Variants in ATP13A1 observed in about 807,000 individuals in gnomAD.
ATP13A1 encodes endoplasmic reticulum transmembrane helix translocase.
A neutral mutation model predicts 134.8 loss-of-function variants in ATP13A1; 55 were observed. That is an observed-to-expected ratio of 0.41 (90% CI 0.33 to 0.51). The LOEUF (loss-of-function observed/expected upper bound fraction) is 0.51, where lower values mean the gene tolerates loss of function less well. ATP13A1 is among the 20% of genes least tolerant of loss of function. The pLI is 0.29. For synonymous variants in ATP13A1, 775 were observed against 725.1 expected (o/e 1.07, Z -1.10); for missense variants, 1,389 against 1,652.8 (o/e 0.84, Z 2.77).
At chr19:19,657,208 C>T in intron 4 of ATP13A1, 59 bp from the exon 5 acceptor site, 4 of 1,484,008 alleles carry the variant, frequency 2.7e-6, no homozygotes, top group Non-Finnish European at 3.6e-6. Flanking sequence ...TGAGCCCCTT[C>T]CACCCACCGG....
At position 19,654,530 on chromosome 19, in the gene ATP13A1, C is replaced by T. The variant is rs1244378338; in HGVS notation, c.1813+13G>A. On this transcript the variant is annotated intron_variant, in intron 13 of 25. Coordinates refer to ENST00000357324, the MANE Select transcript of ATP13A1 (RefSeq NM_020410.3). The stretch of plus-strand genomic sequence containing the variant: ...GGCTCCCCCTTGCTGGGCCTGAGGC[C>T]CCAGCCCCTCACCTTTGGTCAGCGT... 3 of 1,594,254 alleles carry T rather than the reference C, an allele frequency of 1.9e-6. No individual in the cohort carries two copies. The highest frequency in any genetic ancestry group is 2.6e-6 in the Non-Finnish European group (3 of 1,170,898).
rs757317472 is a variant in ATP13A1, at chr19:19,651,695, C to T, written c.2329G>A (p.Glu777Lys). 1.7e-5 allele frequency: 27 copies of T among 1,610,716 alleles called. No homozygotes were observed. The highest frequency in any genetic ancestry group is 6.7e-5 in the East Asian group (3 of 44,802). ...AHTLILQPPS[E>K]KGRQCEWRSI... ...GGCCAGGCTAGGGCCTCACCTTTCTCGGAGGGAGGCTGCAGGATCAGCGTG... is the reference window on the plus strand; with the variant it reads ...GGCCAGGCTAGGGCCTCACCTTTCTTGGAGGGAGGCTGCAGGATCAGCGTG... The change falls in exon 17 of 26, where the codon GAG becomes AAG. Residue 777 changes from glutamate (E) to lysine (K), a missense_variant. Glu to Lys is a moderately conservative substitution (Grantham distance 56). Transcript: ENST00000357324.
chr19:19,649,812 T>C lies in ATP13A1; in HGVS notation c.2464A>G (p.Thr822Ala), dbSNP rs552463350. 1.2e-6 allele frequency: 2 copies of C among 1,602,314 alleles called. No individual in the cohort carries two copies. Among genetic ancestry groups the C allele is most frequent in the African/African-American group, 2.7e-5 (2 of 74,896 alleles). ...AGGCGGAGCAGCTGCTGGGGGTCGG[T>C]GGCCTGCAGGTGGGCCAAGCCGTCG... ...TGDGLAHLQATDPQQLLRLIP... is the reference protein window; with the variant it reads ...TGDGLAHLQAADPQQLLRLIP... Residue 822 changes from threonine (T) to alanine (A), a missense_variant, in exon 18 of 26, where the codon ACC becomes GCC. Thr to Ala is a moderately conservative substitution (Grantham distance 58). Around this residue, in one of 4 missense-constraint regions of ATP13A1, gnomAD observed 747 missense variants for 956.1 expected, o/e 0.78. Transcript: ENST00000357324.
chr19:19,655,693 T>TC lies in ATP13A1; in HGVS notation c.1270-40dup, dbSNP rs1352855097. On this transcript the variant is annotated intron_variant, in intron 9 of 25. Transcript: ENST00000357324. This position sits in a 1 kb window ranked among gnomAD's most constrained non-coding sequence, Gnocchi z 5.7. ...GGAACAGCCTTTCTGCTGTCTGGACTCCCTCCAGCAGCTCAGGCCTGGAAG... is the reference window on the plus strand; with the variant it reads ...GGAACAGCCTTTCTGCTGTCTGGACTCCCCTCCAGCAGCTCAGGCCTGGAAG... The TC allele has an allele frequency of 1.3e-6, 2 of 1,597,854 alleles. No homozygotes were observed. Among genetic ancestry groups the TC allele is most frequent in the Non-Finnish European group, 1.7e-6 (2 of 1,172,560 alleles).
chr19:19,662,197 T>C, intron 1 of ATP13A1: 1 of 1,541,320 alleles, frequency 6.5e-7, no homozygotes, highest in South Asian at 1.2e-5. Flanking sequence ...CACAGTCCCC[T>C]TAACCCCTCC....
intron 12 of ATP13A1, 75 bp from the exon 13 acceptor site, chr19:19,654,775 C>A: frequency 1.1e-5 from 17 of 1,497,254 alleles, no homozygotes; most frequent in South Asian, 7.5e-5. Flanking sequence ...AGCAGAAGGA[C>A]CCCCAAGGCC....
chr19:19,661,936 A>G, intron 1 of ATP13A1: 8 of 1,149,876 alleles, frequency 7.0e-6, no homozygotes, highest in South Asian at 5.9e-5. Context: ...CAGGGCGGGC[A>G]CTCTGCAGAT....
intron 1 of ATP13A1, chr19:19,662,377 G>T (rs574881020): frequency 1.0e-6 from 1 of 985,208 alleles, no homozygotes; most frequent in Non-Finnish European, 1.2e-6. Flanking sequence ...GGGGGCTTCT[G>T]TCTTTCTGTA....
At position 19,657,389 on chromosome 19, in the gene ATP13A1, C is replaced by G; in HGVS notation, c.697G>C (p.Asp233His). Residue 233 changes from aspartate to histidine, a missense_variant, in exon 4 of 26, where the codon GAC (aspartate) becomes CAC (histidine). Physicochemically the swap from Asp to His is moderately conservative, Grantham distance 81. This residue lies in a region of ATP13A1 where 747 missense variants were observed against 956.1 expected (regional missense o/e 0.78). Transcript: ENST00000357324. ...CTCTCCTTGAAAAGCTCCGAGAAGT[C>G]AGGCACCACCATCTCGGCCCTGCAA... ...GSNKAEMVVP[D>H]FSELFKERAT... 1 of 1,572,026 alleles carries G rather than the reference C, an allele frequency of 6.4e-7. No homozygotes were observed. The highest frequency in any genetic ancestry group is 8.6e-7 in the Non-Finnish European group (1 of 1,158,226).
chr19:19,658,826 G>C (rs1197037564), intron 3 of ATP13A1, among the ~76,000 whole-genome samples: 1 of 152,146 alleles, frequency 6.6e-6, no homozygotes, highest in Non-Finnish European at 1.5e-5. Flanking sequence ...GTTTAGGTTG[G>C]GTGCAGTGAC....
At chr19:19,651,917 C>T (rs1340709966) in intron 16 of ATP13A1, 120 bp from the exon 17 acceptor site, 5 of 747,496 alleles carry the variant, frequency 6.7e-6, no homozygotes, top group Middle Eastern at 2.9e-4. Context: ...GGCCTCTAAC[C>T]GAGATGCTGA....
chr19:19,652,452 T>C (rs1157437621), intron 16 of ATP13A1, 143 bp downstream of exon 16: 35 of 1,259,098 alleles, frequency 2.8e-5, no homozygotes, highest in Non-Finnish European at 3.4e-5. Context: ...CCAGTGGCAA[T>C]GTTAGCACCT....
intron 22 of ATP13A1, 100 bp from the exon 23 acceptor site, chr19:19,646,447 T>C (rs2061986594): frequency 1.4e-6 from 2 of 1,397,998 alleles, no homozygotes; most frequent in African/African-American, 2.8e-5. Context: ...CGGGAGACCT[T>C]GTGTACAGCC....
chr19:19,652,221 C>T (rs149219806), intron 16 of ATP13A1, among the ~76,000 whole-genome samples: 25 of 152,226 alleles, frequency 1.6e-4, no homozygotes, highest in African/African-American at 4.8e-4. Flanking sequence ...AAAAGACACC[C>T]TAAGTCCCAA....
At chr19:19,646,946 T>C in intron 22 of ATP13A1, 183 bp downstream of exon 22, 3 of 660,106 alleles carry the variant, frequency 4.5e-6, no homozygotes, top group Middle Eastern at 4.3e-4. Context: ...CTGTACCACC[T>C]GGAGGGGTCT....
At position 19,645,309 on chromosome 19, in the gene ATP13A1, G is replaced by C. The variant is rs552175944; in HGVS notation, c.*113C>G. 3 of 1,221,680 alleles carry C rather than the reference G, an allele frequency of 2.5e-6. No individual in the cohort carries two copies. The Admixed American group carries it at 6.5e-5, about 27-fold the overall frequency. The allele number at this position is 1,221,680 out of a possible 1,614,324, so 75.7% of individuals were successfully genotyped here. A position where few individuals can be genotyped will look rare whatever the true frequency, so the allele number is the denominator to read the frequency against. ...GGTCCCAGCTCAGTCTTCCAAGGGC[G>C]AGACTGTACAGCCTTGCTGTGGGGG... On this transcript the variant is annotated 3_prime_UTR_variant, in exon 26 of 26. Transcript: ENST00000357324. This position sits in a 1 kb window ranked among gnomAD's most constrained non-coding sequence, Gnocchi z 4.1.
Position 19,647,389 on chromosome 19 carries a change from G to C in ATP13A1, c.2908+25C>G, listed in dbSNP as rs759525486. On this transcript the variant is annotated intron_variant, in intron 21 of 25. Coordinates refer to ENST00000357324, the MANE Select transcript of ATP13A1 (RefSeq NM_020410.3). This position sits in a 1 kb window ranked among gnomAD's most constrained non-coding sequence, Gnocchi z 4.8. ...GGGTGCCAAGGGGGGAATGAAGGGA[G>C]GGGGAGCGGGGGCAGGCAACTCACT... The C allele has an allele frequency of 6.2e-6, 10 of 1,607,038 alleles. No individual in the cohort carries two copies. The Admixed American group carries it at 6.7e-5, about 11-fold the overall frequency.
At chr19:19,661,347 C>T (rs1482653730) in intron 1 of ATP13A1, among the ~76,000 whole-genome samples, 1 of 152,214 alleles carries the variant, frequency 6.6e-6, no homozygotes, top group African/African-American at 2.4e-5. Context: ...GCTCACTACA[C>T]TCCACAGCTC....
At chr19:19,650,625 C>A (rs1470400973) in intron 17 of ATP13A1, 1 of 152,656 alleles carries the variant, frequency 6.6e-6, no homozygotes, top group Non-Finnish European at 1.5e-5. Flanking sequence ...TGCCACCTGC[C>A]CACAATCCCC....
Sources: gnomAD v4.1 joint callset for allele counts (sites outside exome capture counted in the v4.1 genomes callset) on GRCh38, gnomAD v4.1.1 for gene constraint, gnomAD v4.1.1 regional missense constraint, Gnocchi (gnomAD v3.1) non-coding constraint, MANE v1.5 for transcripts, NCBI Gene and HGNC (gene_info 2026-07-23, HGNC 2026-07-21) for gene names.